Variants in ITPR2 observed in about 807,000 individuals in gnomAD.
ITPR2 encodes inositol 1,4,5-trisphosphate receptor type 2.
ITPR2 carries 207 observed loss-of-function variants against 317.1 expected under a neutral mutation model. The observed-to-expected ratio is 0.65, with a 90% CI of 0.58 to 0.73. ITPR2 has a LOEUF of 0.73. Among genes scored for constraint, ITPR2 ranks in the 30% least tolerant of loss-of-function variants. The pLI is 0.00. For missense variants in ITPR2, 2,613 were observed against 3,284.0 expected, an observed-to-expected ratio of 0.80 and a Z score of 4.99; for synonymous variants, 1,156 against 1,149.1, an observed-to-expected ratio of 1.01 and a Z score of -0.12.
intron 36 of ITPR2, among the ~76,000 whole-genome samples, chr12:26,555,783 C>A (rs958128301): frequency 1.3e-5 from 2 of 152,174 alleles, no homozygotes; most frequent in Non-Finnish European, 2.9e-5. Context: ...ATCAGGCTGA[C>A]CTCCCAGTCT....
intron 2 of ITPR2, among the ~76,000 whole-genome samples, chr12:26,781,143 A>G (rs1183069671): frequency 6.6e-6 from 1 of 152,206 alleles, no homozygotes; most frequent in Admixed American, 6.5e-5. Flanking sequence ...AGGACTACAA[A>G]TGGCCCAGAC....
intron 8 of ITPR2, among the ~76,000 whole-genome samples, chr12:26,714,462 A>G (rs534046066): frequency 1.3e-5 from 2 of 152,228 alleles, no homozygotes; most frequent in African/African-American, 2.4e-5. Context: ...GTTGAAATAC[A>G]TATTATTTTA....
chr12:26,820,568 A>T (rs1356243501), intron 1 of ITPR2, among the ~76,000 whole-genome samples: 1 of 152,224 alleles, frequency 6.6e-6, no homozygotes, highest in Non-Finnish European at 1.5e-5. Context: ...AGGAAAGACC[A>T]AGGTGAAATG....
At chr12:26,610,408 A>T (rs1946235832) in intron 26 of ITPR2, among the ~76,000 whole-genome samples, 1 of 152,218 alleles carries the variant, frequency 6.6e-6, no homozygotes, top group Non-Finnish European at 1.5e-5. Context: ...CAAAGAATGG[A>T]ATACAGTTTT....
chr12:26,453,226 AT>A (rs1941784342), intron 45 of ITPR2, among the ~76,000 whole-genome samples: 2 of 152,202 alleles, frequency 1.3e-5, no homozygotes, highest in African/African-American at 2.4e-5. Flanking sequence ...TTCATGTGAA[AT>A]TTACTGAGGT....
chr12:26,418,599 G>T (rs1259991652), intron 50 of ITPR2, among the ~76,000 whole-genome samples: 2 of 151,952 alleles, frequency 1.3e-5, no homozygotes, highest in Non-Finnish European at 2.9e-5. Context: ...TGCTATGATG[G>T]TTTTTTTAAA....
At chr12:26,569,046 C>G (rs1945085300) in intron 34 of ITPR2, among the ~76,000 whole-genome samples, 2 of 152,110 alleles carry the variant, frequency 1.3e-5, no homozygotes, top group South Asian at 4.1e-4. Flanking sequence ...TACCTCACAA[C>G]TAAATGTATC....
chr12:26,388,033 T>C (rs1939715361), intron 54 of ITPR2, among the ~76,000 whole-genome samples: 1 of 152,118 alleles, frequency 6.6e-6, no homozygotes, highest in Non-Finnish European at 1.5e-5. Context: ...ATTGAGACAG[T>C]CATCTGTTCA....
chr12:26,712,007 G>A (rs991271406), intron 8 of ITPR2, among the ~76,000 whole-genome samples: 2 of 152,162 alleles, frequency 1.3e-5, no homozygotes, highest in Non-Finnish European at 2.9e-5. Context: ...TAGGCTCACT[G>A]GGAATGAATG....
rs371863107 is a variant in ITPR2 at position 26,628,089 on chromosome 12, T to C, written c.3008A>G (p.Asp1003Gly). 5.0e-6 allele frequency: 8 copies of C among 1,612,888 alleles called. No individual in the cohort carries two copies. In the African/African-American group the frequency reaches 8.0e-5, roughly 16 times the overall value. ...GGCAGATGTCTCCGCATTGTCATTGTCCTCTCCAAACTCCTTCTTATATAT... is the reference window on the plus strand; with the variant it reads ...GGCAGATGTCTCCGCATTGTCATTGCCCTCTCCAAACTCCTTCTTATATAT... ...LSIYKKEFGE[D>G]NDNAETSASG... The change falls in exon 23 of 57, where the codon GAC (aspartate) becomes GGC (glycine). Residue 1003 changes from aspartate (D) to glycine (G), a missense_variant. Physicochemically the swap from Asp to Gly is moderately conservative, Grantham distance 94. Coordinates refer to ENST00000381340, the MANE Select transcript of ITPR2 (RefSeq NM_002223.4).
At chr12:26,484,055 T>G (rs1459061172) in intron 41 of ITPR2, among the ~76,000 whole-genome samples, 157 bp from the exon 42 acceptor site, 1 of 151,852 alleles carries the variant, frequency 6.6e-6, no homozygotes, top group Non-Finnish European at 1.5e-5. Flanking sequence ...AGAAACGCCC[T>G]TAGGTTTTTC....
At chr12:26,744,076 G>A (rs1234758973) in intron 2 of ITPR2, among the ~76,000 whole-genome samples, 1 of 152,228 alleles carries the variant, frequency 6.6e-6, no homozygotes. Flanking sequence ...ATGCCCGACT[G>A]TGGATTCTTC....
At chr12:26,560,159 T>C (rs780105139) in intron 35 of ITPR2, among the ~76,000 whole-genome samples, 1 of 152,184 alleles carries the variant, frequency 6.6e-6, no homozygotes, top group African/African-American at 2.4e-5. Flanking sequence ...TCTGTGCTGG[T>C]TGGCACTACT....
At chr12:26,423,289 G>A (rs1940950711) in intron 49 of ITPR2, among the ~76,000 whole-genome samples, 1 of 152,040 alleles carries the variant, frequency 6.6e-6, no homozygotes, top group Non-Finnish European at 1.5e-5. Flanking sequence ...GGTGGAACTC[G>A]ACCTTACGAA....
intron 2 of ITPR2, among the ~76,000 whole-genome samples, chr12:26,732,942 A>G (rs1949050052): frequency 6.6e-6 from 1 of 152,166 alleles, no homozygotes; most frequent in Non-Finnish European, 1.5e-5. Flanking sequence ...CCAAATACTA[A>G]CTGCCTCTTT....
rs531516279 is a variant in ITPR2, at chr12:26,409,234, A to C, written c.7399+2086T>G. Among the ~76,000 whole-genome samples, 13 of 152,322 alleles carry C rather than the reference A, an allele frequency of 8.5e-5. No homozygotes were observed. The East Asian group carries it at 2.3e-3, about 27-fold the overall frequency. ...TGAGTTAGGACTAACCCACACTATC[A>C]GTGCATTCAGTACACGTTCAGACTA... is the stretch of plus-strand genomic sequence containing the variant. On this transcript the variant is annotated intron_variant, in intron 52 of 56. Transcript: ENST00000381340.
Position 26,470,862 on chromosome 12 carries a change from G to A in ITPR2, c.6342+4434C>T, listed in dbSNP as rs562089230. ...CAGACAAAGATTAATGTATGAGGAT[G>A]TTAATCATAGCGTAATTTATAATAT... On this transcript the variant is annotated intron_variant, in intron 45 of 56. Coordinates refer to ENST00000381340, the MANE Select transcript of ITPR2 (RefSeq NM_002223.4). Among the ~76,000 whole-genome samples, 12 of 152,288 alleles carry A rather than the reference G, an allele frequency of 7.9e-5. No homozygotes were observed. In the East Asian group the frequency reaches 2.3e-3, roughly 29 times the overall value.
intron 2 of ITPR2, among the ~76,000 whole-genome samples, chr12:26,768,326 G>A (rs1315228547): frequency 6.6e-6 from 1 of 150,584 alleles, no homozygotes; most frequent in African/African-American, 2.4e-5. Context: ...ATGACACGTT[G>A]GTGGGTGCAG....
At chr12:26,344,135 G>T (rs1347743242) in intron 55 of ITPR2, among the ~76,000 whole-genome samples, 2 of 152,040 alleles carry the variant, frequency 1.3e-5, no homozygotes, top group Non-Finnish European at 2.9e-5. Context: ...CCAGACGTGG[G>T]CACCTTGAAA....
Sources: allele counts gnomAD v4.1 joint callset (sites outside exome capture counted in the v4.1 genomes callset), GRCh38; gene constraint gnomAD v4.1.1; transcripts MANE v1.5; gene names NCBI Gene and HGNC (gene_info 2026-07-23, HGNC 2026-07-21).